Variants in BICD1 observed in about 807,000 individuals in gnomAD.
BICD1 encodes protein bicaudal D homolog 1.
BICD1 carries 35 observed loss-of-function variants against 92.5 expected under a neutral mutation model. That is an observed-to-expected ratio of 0.38 (90% CI 0.29 to 0.50). The LOEUF (loss-of-function observed/expected upper bound fraction) is 0.50, where lower values mean the gene tolerates loss of function less well. Among genes scored for constraint, BICD1 ranks in the 20% least tolerant of loss-of-function variants. The pLI is 0.93. For missense variants in BICD1, 950 were observed against 1,189.8 expected, an observed-to-expected ratio of 0.80 and a Z score of 2.97; for synonymous variants, 429 against 465.1, an observed-to-expected ratio of 0.92 and a Z score of 1.00.
At chr12:32,169,691 T>C (rs1684148) in intron 1 of BICD1, among the ~76,000 whole-genome samples, 151,942 of 152,348 alleles carry the variant, frequency 1, 75,772 homozygotes, top group Middle Eastern at 1. Flanking sequence ...TATTATCCTT[T>C]GATAACCTAG....
chr12:32,110,784 C>G (rs1034322514), intron 1 of BICD1, among the ~76,000 whole-genome samples: 3 of 135,720 alleles, frequency 2.2e-5, no homozygotes, highest in African/African-American at 8.5e-5. Flanking sequence ...GGGAATTGAA[C>G]AATGAGAACA....
At chr12:32,141,394 A>T (rs1158693727) in intron 1 of BICD1, among the ~76,000 whole-genome samples, 2 of 152,160 alleles carry the variant, frequency 1.3e-5, no homozygotes, top group African/African-American at 4.8e-5. Flanking sequence ...ATTGTATGAA[A>T]AATATGGCAA....
intron 8 of BICD1, 158 bp downstream of exon 8, chr12:32,339,137 C>T: frequency 1.5e-6 from 2 of 1,344,208 alleles, no homozygotes; most frequent in Non-Finnish European, 1.9e-6. Context: ...ACTTAGCTTC[C>T]CATTTCCTCC....
intron 1 of BICD1, among the ~76,000 whole-genome samples, chr12:32,211,285 G>T (rs139952482): frequency 6.6e-6 from 1 of 152,198 alleles, no homozygotes; most frequent in African/African-American, 2.4e-5. Context: ...TCCAGTGAAG[G>T]GCCAAGTTCT....
rs138705684 is a variant in BICD1 at position 32,291,355 on chromosome 12, G to T, written c.427-2639G>T. On this transcript the variant is annotated intron_variant, in intron 2 of 9. Transcript: ENST00000652176. ...CATTCGAGACCAGCTTAGGCAACAT[G>T]GCGAGACCCCACCTCTATAAAAAAT... Among the ~76,000 whole-genome samples, 830 of 151,836 alleles carry T rather than the reference G, an allele frequency of 5.5e-3. 5 individuals carry two copies. The highest frequency in any genetic ancestry group is 0.019 in the African/African-American group (777 of 41,402).
chr12:32,262,360 C>T (rs1946881701), intron 2 of BICD1, among the ~76,000 whole-genome samples: 1 of 152,154 alleles, frequency 6.6e-6, no homozygotes. Flanking sequence ...CCTTCTCCAG[C>T]CCCATCCCTG....
At chr12:32,259,166 C>T (rs1338534452) in intron 2 of BICD1, among the ~76,000 whole-genome samples, 5 of 152,240 alleles carry the variant, frequency 3.3e-5, no homozygotes, top group Non-Finnish European at 4.4e-5. Context: ...CTATACCCGC[C>T]GTTATTCCTT....
intron 1 of BICD1, among the ~76,000 whole-genome samples, chr12:32,193,257 G>GAGACA (rs1944628550): frequency 6.6e-6 from 1 of 152,204 alleles, no homozygotes; most frequent in South Asian, 2.1e-4. Context: ...CCTCAGTAAT[G>GAGACA]AGACAAGACC....
chr12:32,327,218 T>C (rs1251178804), intron 4 of BICD1, among the ~76,000 whole-genome samples: 3 of 152,228 alleles, frequency 2.0e-5, no homozygotes, highest in African/African-American at 7.2e-5. Flanking sequence ...CGTCAGTATA[T>C]GTGTATGATA....
rs150618320 is a variant in BICD1, at chr12:32,230,322, C to T, written c.426+13863C>T. Reference sequence around the variant, plus strand: ...GGCTGAGATGGAAGGATTGCTTGAGCCCAGGAGGTCAGGACTGCAGTGAGC... The same window carrying T: ...GGCTGAGATGGAAGGATTGCTTGAGTCCAGGAGGTCAGGACTGCAGTGAGC... On this transcript the variant is annotated intron_variant, in intron 2 of 9. Transcript: ENST00000652176. Among the ~76,000 whole-genome samples, 365 of 151,950 alleles carry T rather than the reference C, an allele frequency of 2.4e-3. 4 individuals are homozygous for T. The highest frequency in any genetic ancestry group is 0.017 in the Middle Eastern group (5 of 294).
At chr12:32,238,571 A>G (rs2136075775) in intron 2 of BICD1, among the ~76,000 whole-genome samples, 1 of 152,358 alleles carries the variant, frequency 6.6e-6, no homozygotes, top group East Asian at 1.9e-4. Flanking sequence ...GTAAAATGCG[A>G]TCAAACAGCA....
intron 2 of BICD1, among the ~76,000 whole-genome samples, chr12:32,245,243 G>GTTTTTTTT (rs201510925): frequency 3.3e-5 from 4 of 119,882 alleles, no homozygotes; most frequent in Non-Finnish European, 3.8e-5. Flanking sequence ...GCTTAGTTTT[G>GTTTTTTTT]TTTTTTGTTT....
At chr12:32,190,933 A>C (rs889252517) in intron 1 of BICD1, among the ~76,000 whole-genome samples, 1 of 152,260 alleles carries the variant, frequency 6.6e-6, no homozygotes, top group African/African-American at 2.4e-5. Flanking sequence ...AATTAATAAC[A>C]GGAATTATGA....
At chr12:32,339,404 T>A (rs1220948375) in intron 8 of BICD1, 1 of 987,534 alleles carries the variant, frequency 1.0e-6, no homozygotes. Context: ...GATTTCCTTT[T>A]GTGGTGACTC....
intron 2 of BICD1, among the ~76,000 whole-genome samples, chr12:32,252,720 A>G (rs1409851018): frequency 2.0e-5 from 3 of 152,180 alleles, no homozygotes; most frequent in Non-Finnish European, 4.4e-5. Flanking sequence ...TCACGCTGCT[A>G]AGTGGCACAT....
intron 1 of BICD1, among the ~76,000 whole-genome samples, chr12:32,141,890 T>G (rs1365545117): frequency 1.3e-5 from 2 of 152,212 alleles, no homozygotes; most frequent in Non-Finnish European, 2.9e-5. Context: ...GTTTCATTTG[T>G]TTTTGTTTCT....
chr12:32,364,260 A>C (rs1371715252), intron 8 of BICD1, among the ~76,000 whole-genome samples: 2 of 152,198 alleles, frequency 1.3e-5, no homozygotes, highest in Admixed American at 6.6e-5. Flanking sequence ...CTTCATGCAC[A>C]TAGTTGTCAT....
chr12:32,233,322 T>TTTAAAAAAAA (rs35803631), intron 2 of BICD1, among the ~76,000 whole-genome samples: 10 of 127,084 alleles, frequency 7.9e-5, no homozygotes, highest in South Asian at 2.6e-4. Context: ...AGTCTGTCTT[T>TTTAAAAAAAA]AAAAAAAAAA....
intron 1 of BICD1, among the ~76,000 whole-genome samples, chr12:32,150,195 T>C (rs1943248998): frequency 6.6e-6 from 1 of 152,198 alleles, no homozygotes; most frequent in African/African-American, 2.4e-5. Flanking sequence ...TTATGGGAGC[T>C]ACAATTCAAG....
Sources: gnomAD v4.1 joint callset for allele counts (sites outside exome capture counted in the v4.1 genomes callset) on GRCh38, gnomAD v4.1.1 for gene constraint, MANE v1.5 for transcripts, NCBI Gene and HGNC (gene_info 2026-07-23, HGNC 2026-07-21) for gene names.